The following AFF2 variants were observed in gnomAD, a reference collection of about 807,000 sequenced individuals.
The protein encoded by AFF2 is ALF transcription elongation factor 2.
AFF2 carries 14 observed loss-of-function variants against 76.9 expected under a neutral mutation model. That is an observed-to-expected ratio of 0.18 (90% CI 0.12 to 0.28). The LOEUF (loss-of-function observed/expected upper bound fraction) is 0.28, where lower values mean the gene tolerates loss of function less well. Ranked by LOEUF, AFF2 falls within the 10% of genes least tolerant of loss-of-function variation. The pLI is 1.00. For synonymous variants in AFF2, 398 were observed against 366.7 expected (o/e 1.09, Z -0.98); for missense variants, 868 against 1,001.1 (o/e 0.87, Z 1.79).
Position 148,991,621 on chromosome X carries a change from G to A in AFF2, c.*289G>A, listed in dbSNP as rs1345531155. The A allele has an allele frequency of 2.3e-5, 4 of 173,293 alleles. No individual in the cohort carries two copies. The highest frequency in any genetic ancestry group is 3.2e-5 in the Non-Finnish European group (3 of 93,859). The allele number at this position is 173,293 out of a possible 1,213,427, so 14.3% of individuals were successfully genotyped here. On this transcript the variant is annotated 3_prime_UTR_variant, in exon 21 of 21. Coordinates refer to ENST00000370460, the MANE Select transcript of AFF2 (RefSeq NM_002025.4). ...ATGGAATGACAGTCCCTACAATATT[G>A]TTTTAAGCCCACACTACCCAAAACA...
chrX:148,607,730 A>G (rs1003313830), intron 1 of AFF2, among the ~76,000 whole-genome samples: 1 of 112,055 alleles, frequency 8.9e-6, no homozygotes, highest in Admixed American at 9.5e-5. Context: ...TGTATCAATT[A>G]GTTTATGACA....
rs999807879 is a variant in AFF2, at chrX:148,966,356, C to T, written c.2914-434C>T. ...CTAGAGAAAGCTTCTGGGTTGGTTCCCTTATCAAAAATACCCACAGCGGGG... is the reference window on the plus strand; with the variant it reads ...CTAGAGAAAGCTTCTGGGTTGGTTCTCTTATCAAAAATACCCACAGCGGGG... On this transcript the variant is annotated intron_variant, in intron 13 of 20. Transcript: ENST00000370460. Among the ~76,000 whole-genome samples the T allele has an allele frequency of 3.6e-5, 4 of 111,142 alleles. No homozygotes were observed. In the Admixed American group the frequency reaches 3.8e-4, roughly 11 times the overall value.
chrX:148,901,839 T>A (rs1324530160), intron 8 of AFF2, among the ~76,000 whole-genome samples: 1 of 111,973 alleles, frequency 8.9e-6, no homozygotes, highest in Non-Finnish European at 1.9e-5. Context: ...TCTGCCATCA[T>A]TTACTCTACC....
intron 3 of AFF2, among the ~76,000 whole-genome samples, chrX:148,767,741 C>G (rs980317029): frequency 8.9e-6 from 1 of 112,229 alleles, no homozygotes; most frequent in Non-Finnish European, 1.9e-5. Context: ...TGAAATAAGA[C>G]AGCTTTATTT....
Position 148,719,105 on chromosome X carries a change from C to A in AFF2, c.1041+56337C>A, listed in dbSNP as rs189238334. 1,073 of 1,109,168 alleles carry A rather than the reference C, an allele frequency of 9.7e-4. 15 individuals are homozygous for A. The African/African-American group carries it at 0.017, about 18-fold the overall frequency. 91.4% of individuals were successfully genotyped at this position (1,109,168 alleles called of 1,213,427 possible). Reference sequence around the variant, plus strand: ...ATATTAAGGTGAGTTTTGGTTGTGGCAACCCAGAGGAAGGTTGCAGTGGCC... The same window carrying A: ...ATATTAAGGTGAGTTTTGGTTGTGGAAACCCAGAGGAAGGTTGCAGTGGCC... On this transcript the variant is annotated intron_variant, in intron 3 of 20. Coordinates refer to ENST00000370460, the MANE Select transcript of AFF2 (RefSeq NM_002025.4).
intron 3 of AFF2, among the ~76,000 whole-genome samples, chrX:148,694,806 A>C (rs1336558187): frequency 1.0e-5 from 1 of 97,808 alleles, no homozygotes; most frequent in African/African-American, 3.7e-5. Flanking sequence ...GGTATCACAA[A>C]GCACTTTTTT....
intron 3 of AFF2, among the ~76,000 whole-genome samples, chrX:148,735,920 A>G (rs1467064917): frequency 1.8e-5 from 2 of 112,042 alleles, no homozygotes; most frequent in Non-Finnish European, 3.8e-5. Context: ...CTCCAGTCTC[A>G]TCCAGATCAG....
Position 148,903,410 on chromosome X carries a change from TC to T in AFF2, c.1360-808del, listed in dbSNP as rs200158198. ...TCCAGAAGAATCGAAGGAGATGAAA[TC>T]CCTGTGGAGAAGGAAACAGAAATAA... is the stretch of plus-strand genomic sequence containing the variant. On this transcript the variant is annotated intron_variant, in intron 8 of 20. Transcript: ENST00000370460. Among the ~76,000 whole-genome samples the T allele has an allele frequency of 2.1e-4, 23 of 112,108 alleles. No homozygotes were observed. In the East Asian group the frequency reaches 5.6e-3, roughly 27 times the overall value.
intron 12 of AFF2, among the ~76,000 whole-genome samples, chrX:148,962,181 G>A (rs782248406): frequency 1.8e-5 from 2 of 112,722 alleles, no homozygotes; most frequent in Non-Finnish European, 1.9e-5. Context: ...TATACAATTT[G>A]CAATGTATGT....
chrX:148,865,213 G>T (rs782568464), intron 7 of AFF2, among the ~76,000 whole-genome samples: 1 of 112,509 alleles, frequency 8.9e-6, no homozygotes, highest in African/African-American at 3.2e-5. Flanking sequence ...AAGGACAAAG[G>T]CTTCATAATG....
chrX:148,817,489 C>T (rs182810056), intron 4 of AFF2, among the ~76,000 whole-genome samples: 29 of 111,470 alleles, frequency 2.6e-4, no homozygotes, highest in East Asian at 8.5e-4. Context: ...CTCCCCACCC[C>T]TTAACAAAAG....
chrX:148,971,848 G>A (rs1603351294), intron 15 of AFF2, among the ~76,000 whole-genome samples: 1 of 35,697 alleles, frequency 2.8e-5, no homozygotes, highest in East Asian at 9.6e-4. Flanking sequence ...ATGTATACAT[G>A]TGCCATGCTG....
chrX:148,592,506 A>G (rs975373567), intron 1 of AFF2, among the ~76,000 whole-genome samples: 2 of 110,699 alleles, frequency 1.8e-5, no homozygotes, highest in East Asian at 2.8e-4. Context: ...AAAAAAAAGT[A>G]TATTTTTCAT....
At chrX:148,758,132 T>C (rs1356834815) in intron 3 of AFF2, among the ~76,000 whole-genome samples, 3 of 112,436 alleles carry the variant, frequency 2.7e-5, no homozygotes, top group Non-Finnish European at 5.6e-5. Context: ...TCCTGTGTAT[T>C]GTATTTGAGC....
At chrX:148,826,971 G>A (rs782465373) in intron 4 of AFF2, among the ~76,000 whole-genome samples, 36 of 110,897 alleles carry the variant, frequency 3.2e-4, no homozygotes, top group East Asian at 1.4e-3. Flanking sequence ...GATGGGGGGC[G>A]GGAGAGAGGG....
At chrX:148,789,628 T>C (rs1053278850) in intron 3 of AFF2, among the ~76,000 whole-genome samples, 1 of 111,289 alleles carries the variant, frequency 9.0e-6, no homozygotes, top group Non-Finnish European at 1.9e-5. Context: ...GTATGGTCCC[T>C]GTAATATATT....
chrX:148,563,566 G>A (rs2053137555), intron 1 of AFF2, among the ~76,000 whole-genome samples: 1 of 111,738 alleles, frequency 8.9e-6, no homozygotes, highest in Non-Finnish European at 1.9e-5. Context: ...CTCAATTTTT[G>A]TGTTGAGCGG....
intron 5 of AFF2, among the ~76,000 whole-genome samples, chrX:148,839,894 GGTGTGTGTGTGTGT>G (rs200060298): frequency 1.3e-4 from 11 of 87,020 alleles, no homozygotes; most frequent in Non-Finnish European, 2.5e-4. Context: ...GTTGGGGCAT[GGTGTGTGTGTGTGT>G]GTGTGTGTGT....
chrX:148,980,075 G>A (rs1402669525), intron 18 of AFF2, among the ~76,000 whole-genome samples: 1 of 111,853 alleles, frequency 8.9e-6, no homozygotes, highest in African/African-American at 3.3e-5. Flanking sequence ...CTGAATGTCA[G>A]TTTTCCCTCT....
Sources: allele counts gnomAD v4.1 joint callset (sites outside exome capture counted in the v4.1 genomes callset), GRCh38; gene constraint gnomAD v4.1.1; transcripts MANE v1.5; gene names NCBI Gene and HGNC (gene_info 2026-07-23, HGNC 2026-07-21).